The following ICA1L variants were observed in gnomAD, a reference collection of about 807,000 sequenced individuals.
ICA1L encodes islet cell autoantigen 1 like.
Under a neutral mutation model 61.3 loss-of-function variants are expected in ICA1L, and 50 were observed. The ratio of observed to expected loss-of-function variants is 0.82; its 90% CI spans 0.65 to 1.03. The LOEUF (loss-of-function observed/expected upper bound fraction) is 1.03. Among genes scored for constraint, ICA1L ranks in the 50% least tolerant of loss-of-function variants. The probability of loss-of-function intolerance (pLI) is 0.00; values close to 1 mark genes in which losing one functional copy is unlikely to be tolerated. For synonymous variants in ICA1L, 161 were observed against 191.3 expected, an observed-to-expected ratio of 0.84 and a Z score of 1.31; for missense variants, 508 against 556.7, an observed-to-expected ratio of 0.91 and a Z score of 0.88.
chr2:202,864,449 G>C (rs1687413754), intron 1 of ICA1L, among the ~76,000 whole-genome samples: 1 of 151,810 alleles, frequency 6.6e-6, no homozygotes, highest in African/African-American at 2.4e-5. Flanking sequence ...GTTTCACCGT[G>C]GTCTCGATCT....
At chr2:202,779,712 AT>A in intron 12 of ICA1L, 64 bp from the exon 13 acceptor site, 1 of 959,062 alleles carries the variant, frequency 1.0e-6, no homozygotes, top group Non-Finnish European at 1.6e-6. Flanking sequence ...TTTGTACCAT[AT>A]TTATGATTTT....
intron 12 of ICA1L, among the ~76,000 whole-genome samples, chr2:202,782,001 A>G (rs566056780): frequency 1.8e-4 from 28 of 152,262 alleles, no homozygotes; most frequent in Middle Eastern, 6.8e-3. Flanking sequence ...TACTTCCTTA[A>G]TGACTAATGA....
Position 202,783,536 on chromosome 2 carries a change from A to G in ICA1L, c.1333+2382T>C, listed in dbSNP as rs146696679. Among the ~76,000 whole-genome samples the G allele has an allele frequency of 3.8e-3, 577 of 152,358 alleles. 6 individuals are homozygous for G. Among genetic ancestry groups the G allele is most frequent in the African/African-American group, 0.013 (551 of 41,588 alleles). On this transcript the variant is annotated intron_variant, in intron 12 of 12. Coordinates refer to ENST00000358299, the MANE Select transcript of ICA1L (RefSeq NM_001288622.3). ...TAAACCCAAATTCAAGGAATATTCA[A>G]AATAAATGACCTGTACACTGCAAAA... is the stretch of plus-strand genomic sequence containing the variant.
At chr2:202,868,196 A>G (rs926376597) in intron 1 of ICA1L, among the ~76,000 whole-genome samples, 1 of 152,176 alleles carries the variant, frequency 6.6e-6, no homozygotes, top group Admixed American at 6.5e-5. Context: ...GGCTAATTGT[A>G]TATTATCTGA....
At chr2:202,864,721 T>TC (rs1455417304) in intron 1 of ICA1L, among the ~76,000 whole-genome samples, 2 of 152,080 alleles carry the variant, frequency 1.3e-5, no homozygotes, top group Non-Finnish European at 1.5e-5. Flanking sequence ...GTTTAGCATT[T>TC]CAAAATCAGT....
chr2:202,868,953 G>C (rs1485421147), intron 1 of ICA1L, among the ~76,000 whole-genome samples: 1 of 151,906 alleles, frequency 6.6e-6, no homozygotes, highest in African/African-American at 2.4e-5. Flanking sequence ...GGGTGACAGA[G>C]CAAGACTCTG....
At chr2:202,825,559 C>A in intron 3 of ICA1L, 136 bp downstream of exon 3, 1 of 1,342,780 alleles carries the variant, frequency 7.4e-7, no homozygotes. Flanking sequence ...CCTTTGAGAA[C>A]AGGTAACTGT....
Position 202,819,704 on chromosome 2 carries a change from T to C in ICA1L, c.555A>G (p.Arg185=). ...GGAAAGGGATACGTTTTCATACTTT[T>C]CTAAACTTTTCCATTTGCTTTAAGG... The part of the protein sequence containing the change: ...PDTLKQMEKF[R]KVQMQVRNSK... The change falls in exon 5 of 13, where the codon AGA becomes AGG. Residue 185 remains arginine, a synonymous_variant. Transcript: ENST00000358299. 6.2e-7 allele frequency: 1 copy of C among 1,611,898 alleles called. No homozygotes were observed. Among genetic ancestry groups the C allele is most frequent in the Non-Finnish European group, 8.5e-7 (1 of 1,177,926 alleles).
chr2:202,795,512 T>C (rs1692898918), intron 10 of ICA1L, among the ~76,000 whole-genome samples: 1 of 151,598 alleles, frequency 6.6e-6, no homozygotes, highest in Non-Finnish European at 1.5e-5. Context: ...GGAGAATCGC[T>C]TGAACCTGGG....
chr2:202,836,118 C>T (rs1694141224), intron 1 of ICA1L, among the ~76,000 whole-genome samples: 1 of 152,066 alleles, frequency 6.6e-6, no homozygotes, highest in African/African-American at 2.4e-5. Flanking sequence ...AAAAAACTTT[C>T]AATTTTTCAC....
At position 202,825,765 on chromosome 2, in the gene ICA1L, A is replaced by C; in HGVS notation, c.165T>G (p.Val55=). ...SDAELDAKLE[V]FHSVQETCTE... ...TGCATGTCTCTTGAACAGAGTGAAA[A>C]ACCTTGAGATATAAATTTTATTAGG... The change falls in exon 3 of 13, where the codon GTT becomes GTG. Residue 55 remains valine (V), a splice_region_variant and synonymous_variant. Coordinates refer to ENST00000358299, the MANE Select transcript of ICA1L (RefSeq NM_001288622.3). The C allele has an allele frequency of 6.4e-7, 1 of 1,554,304 alleles. No individual in the cohort carries two copies. Among genetic ancestry groups the C allele is most frequent in the East Asian group, 2.3e-5 (1 of 43,124 alleles).
At chr2:202,811,306 G>C (rs1693370905) in intron 9 of ICA1L, among the ~76,000 whole-genome samples, 1 of 152,000 alleles carries the variant, frequency 6.6e-6, no homozygotes, top group South Asian at 2.1e-4. Context: ...AAATATCGGG[G>C]GTGAATTTCG....
chr2:202,833,784 A>C lies in ICA1L; in HGVS notation c.-7-4768T>G, dbSNP rs529996878. 3.3e-5 allele frequency among the ~76,000 whole-genome samples: 5 copies of C among 152,326 alleles called. No individual in the cohort carries two copies. The South Asian group carries it at 1.0e-3, about 32-fold the overall frequency. On this transcript the variant is annotated intron_variant, in intron 1 of 12. Transcript: ENST00000358299. The stretch of plus-strand genomic sequence containing the variant: ...GAATACTATTCAGCCTTTAAAAAGA[A>C]AGAAATCCTGTCATTTGTGACAACA...
intron 9 of ICA1L, 67 bp downstream of exon 9, chr2:202,811,679 A>AT: frequency 2.0e-6 from 2 of 979,598 alleles, no homozygotes; most frequent in East Asian, 2.5e-5. Flanking sequence ...AAAAAAAAAA[A>AT]GGCTGTGATA....
chr2:202,788,094 A>G (rs1402510982), intron 11 of ICA1L, among the ~76,000 whole-genome samples: 1 of 152,234 alleles, frequency 6.6e-6, no homozygotes, highest in Non-Finnish European at 1.5e-5. Context: ...ATGGGTGGAA[A>G]TGCGACATAG....
At chr2:202,824,919 TA>T (rs1693795241) in intron 3 of ICA1L, among the ~76,000 whole-genome samples, 1 of 152,188 alleles carries the variant, frequency 6.6e-6, no homozygotes, top group Non-Finnish European at 1.5e-5. Context: ...ATAAATGTGT[TA>T]AATAATGTGA....
At chr2:202,802,698 C>T (rs1693114681) in intron 9 of ICA1L, among the ~76,000 whole-genome samples, 1 of 151,620 alleles carries the variant, frequency 6.6e-6, no homozygotes, top group African/African-American at 2.4e-5. Flanking sequence ...AAAATGAACT[C>T]ACAATGAAGA....
At chr2:202,840,073 A>ATTTTTTT (rs532184078) in intron 1 of ICA1L, among the ~76,000 whole-genome samples, 1 of 95,194 alleles carries the variant, frequency 1.1e-5, no homozygotes, top group Admixed American at 1.2e-4. Flanking sequence ...TTAATTTTTA[A>ATTTTTTT]TTTTTTTTTT....
chr2:202,832,932 A>G lies in ICA1L; in HGVS notation c.-7-3916T>C, dbSNP rs945749020. 7.2e-5 allele frequency among the ~76,000 whole-genome samples: 11 copies of G among 152,322 alleles called. No individual in the cohort carries two copies. The East Asian group carries it at 2.1e-3, about 29-fold the overall frequency. ...GAACCCAAAGAAGAGATAGAATGGG[A>G]TAGAAAAATATTCAAATAAATAAAA... On this transcript the variant is annotated intron_variant, in intron 1 of 12. Transcript: ENST00000358299.
Sources: gnomAD v4.1 joint callset for allele counts (sites outside exome capture counted in the v4.1 genomes callset) on GRCh38, gnomAD v4.1.1 for gene constraint, MANE v1.5 for transcripts, NCBI Gene and HGNC (gene_info 2026-07-23, HGNC 2026-07-21) for gene names.